The following ANKRD11 variants were observed in gnomAD, a reference collection of about 807,000 sequenced individuals.
ANKRD11 encodes the protein ankyrin repeat domain 11.
ANKRD11 carries 17 observed loss-of-function variants against 195.7 expected under a neutral mutation model. The observed-to-expected ratio is 0.09, with a 90% CI of 0.06 to 0.13. The LOEUF is 0.13. Among genes scored for constraint, ANKRD11 ranks in the 10% least tolerant of loss-of-function variants. The probability of loss-of-function intolerance (pLI) is 1.00; values close to 1 mark genes in which losing one functional copy is unlikely to be tolerated. For synonymous variants in ANKRD11, 1,953 were observed against 1,528.1 expected (o/e 1.28, Z -6.49); for missense variants, 3,735 against 3,566.1 (o/e 1.05, Z -1.21).
intron 2 of ANKRD11, among the ~76,000 whole-genome samples, chr16:89,335,751 G>T (rs1222090685): frequency 6.6e-6 from 1 of 152,210 alleles, no homozygotes; most frequent in East Asian, 1.9e-4. Context: ...ACCGTGACAG[G>T]CCCCAGTGTG....
intron 1 of ANKRD11, among the ~76,000 whole-genome samples, chr16:89,484,955 C>T (rs1216303058): frequency 1.3e-5 from 2 of 152,158 alleles, no homozygotes; most frequent in African/African-American, 4.8e-5. Flanking sequence ...CACCCTCCAC[C>T]AGCCACAAGG....
At chr16:89,269,001 T>A (rs1448373196) in intron 12 of ANKRD11, among the ~76,000 whole-genome samples, 1 of 152,240 alleles carries the variant, frequency 6.6e-6, no homozygotes, top group Non-Finnish European at 1.5e-5. Flanking sequence ...TTTGCTTTTG[T>A]CATTTTACAA....
chr16:89,388,919 A>G (rs991152719), intron 2 of ANKRD11, among the ~76,000 whole-genome samples: 1 of 152,260 alleles, frequency 6.6e-6, no homozygotes, highest in African/African-American at 2.4e-5. Context: ...CCAAGGAACT[A>G]TGTGGATCCC....
At chr16:89,377,040 G>A (rs999779270) in intron 2 of ANKRD11, among the ~76,000 whole-genome samples, 1 of 152,204 alleles carries the variant, frequency 6.6e-6, no homozygotes, top group South Asian at 2.1e-4. Flanking sequence ...TGCTTTGTCC[G>A]TGAAGTCAGG....
At position 89,291,812 on chromosome 16, in the gene ANKRD11, G is replaced by C; in HGVS notation, c.227-629C>G. 7.9e-7 allele frequency: 1 copy of C among 1,268,180 alleles called. No homozygotes were observed. The highest frequency in any genetic ancestry group is 1.0e-6 in the Non-Finnish European group (1 of 969,424). 78.6% of individuals were successfully genotyped at this position (1,268,180 alleles called of 1,614,324 possible). A position where few individuals can be genotyped will look rare whatever the true frequency, so the allele number is the denominator to read the frequency against. ...TCAACACAGAGCACTAACAAGACAC[G>C]GTGTGAGAGCTCGGCTGTTTCCACC... On this transcript the variant is annotated intron_variant, in intron 4 of 12. Transcript: ENST00000301030. This position sits in a 1 kb window ranked among gnomAD's most constrained non-coding sequence, Gnocchi z 5.3.
At chr16:89,287,452 T>C in intron 7 of ANKRD11, 1 of 229,254 alleles carries the variant, frequency 4.4e-6, no homozygotes, top group Non-Finnish European at 8.9e-6. Context: ...TTTTTCGTAA[T>C]AAAAAGTTTA....
At chr16:89,456,742 T>C (rs1391241634) in intron 1 of ANKRD11, among the ~76,000 whole-genome samples, 3 of 152,132 alleles carry the variant, frequency 2.0e-5, no homozygotes, top group Admixed American at 2.0e-4. Context: ...TATGAACTCA[T>C]TCCTAGGAAG....
chr16:89,381,354 A>AAAAAAGG (rs1555560066), intron 2 of ANKRD11, among the ~76,000 whole-genome samples: 1 of 125,346 alleles, frequency 8.0e-6, no homozygotes, highest in African/African-American at 3.3e-5. Flanking sequence ...AAAAAAAAAA[A>AAAAAAGG]GGGGTGAGAA....
At chr16:89,404,858 C>T (rs188925877) in intron 2 of ANKRD11, among the ~76,000 whole-genome samples, 118 of 152,394 alleles carry the variant, frequency 7.7e-4, no homozygotes, top group African/African-American at 2.5e-3. Context: ...AAAAGAACCA[C>T]TGTAAATCAC....
chr16:89,422,144 G>A (rs933298991), intron 1 of ANKRD11: 1 of 152,134 alleles, frequency 6.6e-6, no homozygotes, highest in Admixed American at 6.5e-5. Context: ...CAATCAACGG[G>A]TAAAAAGTTA....
chr16:89,371,529 G>C (rs1004002737), intron 2 of ANKRD11, among the ~76,000 whole-genome samples: 2 of 152,186 alleles, frequency 1.3e-5, no homozygotes, highest in Non-Finnish European at 2.9e-5. Context: ...CCACAGATGA[G>C]TTCTCTCAAG....
At chr16:89,276,818 G>A (rs1567547567) in intron 9 of ANKRD11, among the ~76,000 whole-genome samples, 1 of 152,192 alleles carries the variant, frequency 6.6e-6, no homozygotes, top group African/African-American at 2.4e-5. Flanking sequence ...AGCACTTTGG[G>A]AGGCTGAGGC....
chr16:89,397,634 C>G (rs538826020), intron 2 of ANKRD11, among the ~76,000 whole-genome samples: 1 of 152,230 alleles, frequency 6.6e-6, no homozygotes, highest in Non-Finnish European at 1.5e-5. Flanking sequence ...TAAACTTTCC[C>G]TTTTCACTCA....
At chr16:89,407,874 G>C (rs909510036) in intron 2 of ANKRD11, among the ~76,000 whole-genome samples, 1 of 138,520 alleles carries the variant, frequency 7.2e-6, no homozygotes, top group East Asian at 2.1e-4. Context: ...AAAAAAAAAA[G>C]AAGAAGAAGA....
intron 2 of ANKRD11, chr16:89,324,873 T>C (rs755963237): frequency 7.6e-6 from 2 of 261,806 alleles, no homozygotes; most frequent in Non-Finnish European, 1.5e-5. Context: ...CTTCACCTCA[T>C]GACTGTGTGA....
chr16:89,437,267 T>C (rs2043254259), intron 1 of ANKRD11, among the ~76,000 whole-genome samples: 1 of 152,210 alleles, frequency 6.6e-6, no homozygotes, highest in Non-Finnish European at 1.5e-5. Flanking sequence ...ATGATGCTAA[T>C]ATGCTAATAT....
At chr16:89,473,263 G>C (rs2057149669) in intron 1 of ANKRD11, among the ~76,000 whole-genome samples, 1 of 151,914 alleles carries the variant, frequency 6.6e-6, no homozygotes, top group East Asian at 1.9e-4. Context: ...GGGAATTTGA[G>C]GCAGGAAGCA....
intron 12 of ANKRD11, chr16:89,269,799 TTGGCCAGGC>T (rs1358842645): frequency 6.6e-6 from 1 of 152,162 alleles, no homozygotes; most frequent in Non-Finnish European, 1.5e-5. Flanking sequence ...TTTCACCATG[TTGGCCAGGC>T]TGGTCTCGAA....
chr16:89,351,163 G>T (rs1333768449), intron 2 of ANKRD11, among the ~76,000 whole-genome samples: 4 of 152,240 alleles, frequency 2.6e-5, no homozygotes, highest in Admixed American at 6.5e-5. Flanking sequence ...AGCTCGTCAA[G>T]AGCACTGTTG....
Sources: gnomAD v4.1 joint callset for allele counts (sites outside exome capture counted in the v4.1 genomes callset) on GRCh38, gnomAD v4.1.1 for gene constraint, Gnocchi (gnomAD v3.1) non-coding constraint, MANE v1.5 for transcripts, NCBI Gene and HGNC (gene_info 2026-07-23, HGNC 2026-07-21) for gene names.